Variants in DPF3 observed in about 807,000 individuals in gnomAD.
DPF3 encodes double PHD fingers 3, also known as zinc finger protein DPF3.
Under a neutral mutation model 56.8 loss-of-function variants are expected in DPF3, and 18 were observed. The observed-to-expected ratio is 0.32, with a 90% CI of 0.22 to 0.47. The LOEUF (loss-of-function observed/expected upper bound fraction) is 0.47. DPF3 is among the 20% of genes least tolerant of loss of function. The probability of loss-of-function intolerance (pLI) is 1.00; values close to 1 mark genes in which losing one functional copy is unlikely to be tolerated. For missense variants in DPF3, 403 were observed against 488.8 expected (o/e 0.82, Z 1.65); for synonymous variants, 188 against 180.2 (o/e 1.04, Z -0.35).
intron 4 of DPF3, among the ~76,000 whole-genome samples, chr14:72,729,235 G>A (rs754786602): frequency 1.4e-4 from 21 of 152,214 alleles, no homozygotes; most frequent in Non-Finnish European, 2.1e-4. Context: ...GCGACACAGC[G>A]AGACTCTGTC....
rs541270741 is a variant in DPF3 at position 72,793,851 on chromosome 14, C to T, written c.33-21958G>A. Among the ~76,000 whole-genome samples the T allele has an allele frequency of 1.6e-4, 24 of 152,358 alleles. No individual in the cohort carries two copies. The South Asian group carries it at 3.9e-3, about 25-fold the overall frequency. The stretch of plus-strand genomic sequence containing the variant: ...TGCCAGCTCCATGTGATCCTTGCAC[C>T]TTCAAGAGAAAATGCCTTGCTGGCC... On this transcript the variant is annotated intron_variant, in intron 1 of 10. Transcript: ENST00000556509.
chr14:72,881,231 G>T (rs531311009), intron 1 of DPF3, among the ~76,000 whole-genome samples: 1 of 152,244 alleles, frequency 6.6e-6, no homozygotes, highest in East Asian at 1.9e-4. Context: ...ACTCTCCAAG[G>T]CAACTCACTC....
At chr14:72,676,171 G>T (rs1382641707) in intron 7 of DPF3, among the ~76,000 whole-genome samples, 3 of 152,116 alleles carry the variant, frequency 2.0e-5, no homozygotes, top group African/African-American at 7.2e-5. Flanking sequence ...CTAAATTTAG[G>T]GGCTGAGGGT....
chr14:72,788,060 C>T (rs895141742), intron 1 of DPF3, among the ~76,000 whole-genome samples: 5 of 152,234 alleles, frequency 3.3e-5, no homozygotes, highest in Non-Finnish European at 5.9e-5. Flanking sequence ...CCTGGCCATG[C>T]TAAGCGCCTG....
intron 3 of DPF3, among the ~76,000 whole-genome samples, chr14:72,745,064 T>A (rs1171155460): frequency 7.4e-6 from 1 of 136,032 alleles, no homozygotes; most frequent in Non-Finnish European, 1.5e-5. Flanking sequence ...GGAGGGAAGA[T>A]GAGGAAAAGA....
At chr14:72,774,764 T>C (rs1891686036) in intron 1 of DPF3, among the ~76,000 whole-genome samples, 1 of 152,140 alleles carries the variant, frequency 6.6e-6, no homozygotes, top group African/African-American at 2.4e-5. Context: ...ATTGTAATAG[T>C]CACGCAGCTG....
intron 1 of DPF3, among the ~76,000 whole-genome samples, chr14:72,798,179 G>T (rs942297191): frequency 6.7e-6 from 1 of 149,162 alleles, no homozygotes; most frequent in Non-Finnish European, 1.5e-5. Context: ...GATTGAACCC[G>T]GGAGGTGGAG....
In DPF3 at chr14:72,813,833, G is replaced by GGGCT. The variant is rs545825057; in HGVS notation, c.33-41944_33-41941dup. ...GCTGGGGCTCGAGCACAGAGATGAG[G>GGGCT]GGCTCCATGACGGCTGGTCCCCCTC... On this transcript the variant is annotated intron_variant, in intron 1 of 10. Transcript: ENST00000556509. Among the ~76,000 whole-genome samples the GGGCT allele has an allele frequency of 2.8e-3, 433 of 152,290 alleles. 3 individuals carry two copies. The highest frequency in any genetic ancestry group is 9.8e-3 in the African/African-American group (407 of 41,578).
intron 2 of DPF3, among the ~76,000 whole-genome samples, chr14:72,763,330 T>G (rs553571776): frequency 6.6e-6 from 1 of 152,182 alleles, no homozygotes; most frequent in Non-Finnish European, 1.5e-5. Flanking sequence ...TTTAGAGGGC[T>G]AACACCACCT....
intron 2 of DPF3, among the ~76,000 whole-genome samples, chr14:72,766,911 C>T (rs548800525): frequency 2.6e-5 from 4 of 152,356 alleles, no homozygotes; most frequent in East Asian, 1.9e-4. Flanking sequence ...GACAAGCAGG[C>T]ATCCCAATAG....
chr14:72,730,921 C>T (rs1163498765), intron 4 of DPF3, among the ~76,000 whole-genome samples: 1 of 152,094 alleles, frequency 6.6e-6, no homozygotes, highest in African/African-American at 2.4e-5. Flanking sequence ...GTAATCCCAG[C>T]ACTCTGGGAG....
At chr14:72,700,045 C>T (rs1888092475) in intron 6 of DPF3, among the ~76,000 whole-genome samples, 1 of 152,142 alleles carries the variant, frequency 6.6e-6, no homozygotes, top group African/African-American at 2.4e-5. Flanking sequence ...AGTCTTAGTC[C>T]TTGGAATGAT....
chr14:72,757,771 G>A (rs777547338), intron 2 of DPF3, among the ~76,000 whole-genome samples: 1 of 152,116 alleles, frequency 6.6e-6, no homozygotes, highest in Non-Finnish European at 1.5e-5. Flanking sequence ...TTTTATATAA[G>A]GGACTTGAGT....
Position 72,693,127 on chromosome 14 carries a change from G to T in DPF3, c.691C>A (p.Gln231Lys), listed in dbSNP as rs1203575348. The T allele has an allele frequency of 1.9e-6, 3 of 1,613,902 alleles. No individual in the cohort carries two copies. Among genetic ancestry groups the T allele is most frequent in the Non-Finnish European group, 2.5e-6 (3 of 1,179,908 alleles). The change falls in exon 7 of 11, where the codon CAA (glutamine) becomes AAA (lysine). Residue 231 changes from glutamine to lysine, a missense_variant. Around this residue, in one of 2 missense-constraint regions of DPF3, gnomAD observed 340 missense variants for 374.3 expected, o/e 0.91. Coordinates refer to ENST00000556509, the MANE Select transcript of DPF3 (RefSeq NM_001280542.3). The part of the protein sequence containing the change: ...HLASEEGDEA[Q>K]DQETRSPPNH... ...GGTGGGGACCGAGTCTCCTGGTCTT[G>T]AGCTTCATCCCCCTCCTCGCTGGCC...
intron 1 of DPF3, chr14:72,806,734 C>T (rs916408830): frequency 7.9e-5 from 12 of 152,176 alleles, no homozygotes; most frequent in African/African-American, 2.9e-4. Flanking sequence ...CCCTAGTTCT[C>T]CCCTCCCTGC....
At chr14:72,713,583 A>C (rs1888751872) in intron 6 of DPF3, among the ~76,000 whole-genome samples, 1 of 152,210 alleles carries the variant, frequency 6.6e-6, no homozygotes, top group African/African-American at 2.4e-5. Context: ...ATCCTCAGAG[A>C]GGAGAAGACG....
chr14:72,779,774 T>C (rs1891893279), intron 1 of DPF3, among the ~76,000 whole-genome samples: 2 of 152,266 alleles, frequency 1.3e-5, no homozygotes, highest in South Asian at 4.1e-4. Flanking sequence ...TGCCACTTTG[T>C]GGCATGACCC....
intron 8 of DPF3, among the ~76,000 whole-genome samples, chr14:72,649,996 A>G (rs931418374): frequency 1.3e-5 from 2 of 152,202 alleles, no homozygotes; most frequent in Admixed American, 6.5e-5. Flanking sequence ...CTGATGAGCA[A>G]ACTCCAGAGA....
chr14:72,686,953 A>G (rs561170146), intron 7 of DPF3, among the ~76,000 whole-genome samples: 1 of 152,378 alleles, frequency 6.6e-6, no homozygotes, highest in African/African-American at 2.4e-5. Flanking sequence ...CATATGTTAG[A>G]GGACAAGAGA....
Sources: allele counts gnomAD v4.1 joint callset (sites outside exome capture counted in the v4.1 genomes callset), GRCh38; gene constraint gnomAD v4.1.1; regional missense constraint gnomAD v4.1.1; transcripts MANE v1.5; gene names NCBI Gene and HGNC (gene_info 2026-07-23, HGNC 2026-07-21).